The following SF3B1 variants were observed in gnomAD, a reference collection of about 807,000 sequenced individuals.
SF3B1 encodes the protein pre-mRNA processing 10.
Under a neutral mutation model 153.8 loss-of-function variants are expected in SF3B1, and 12 were observed. The observed-to-expected ratio is 0.08, with a 90% CI of 0.05 to 0.13. SF3B1 has a LOEUF of 0.13. Among genes scored for constraint, SF3B1 ranks in the 10% least tolerant of loss-of-function variants. SF3B1 has a pLI of 1.00. For missense variants in SF3B1, 513 were observed against 1,606.1 expected, an observed-to-expected ratio of 0.32 and a Z score of 11.63; for synonymous variants, 498 against 525.2, an observed-to-expected ratio of 0.95 and a Z score of 0.71.
At chr2:197,412,972 A>G (rs1487873038) in intron 6 of SF3B1, among the ~76,000 whole-genome samples, 1 of 124,328 alleles carries the variant, frequency 8.0e-6, no homozygotes, top group Non-Finnish European at 1.6e-5. Flanking sequence ...TGTTGTCTCA[A>G]AAAAAAAAAA....
intron 7 of SF3B1, among the ~76,000 whole-genome samples, chr2:197,408,877 C>T (rs1013761982): frequency 2.6e-5 from 4 of 152,046 alleles, no homozygotes; most frequent in Middle Eastern, 3.4e-3. Context: ...CAGCCGAGAG[C>T]GCACCACTGC....
intron 23 of SF3B1, among the ~76,000 whole-genome samples, chr2:197,394,778 G>C (rs2084856137): frequency 6.6e-6 from 1 of 152,076 alleles, no homozygotes; most frequent in Admixed American, 6.6e-5. Flanking sequence ...GGTGGCACAC[G>C]CCTGTAGTCC....
At chr2:197,394,165 C>T (rs1044547146) in intron 23 of SF3B1, among the ~76,000 whole-genome samples, 3 of 151,734 alleles carry the variant, frequency 2.0e-5, no homozygotes, top group African/African-American at 7.3e-5. Context: ...GCCTAGGCAA[C>T]AAGAGTGAAA....
intron 1 of SF3B1, among the ~76,000 whole-genome samples, chr2:197,431,459 C>T (rs2085435693): frequency 6.6e-6 from 1 of 152,186 alleles, no homozygotes; most frequent in East Asian, 1.9e-4. Context: ...CTAAACCCAA[C>T]TTGTAGCACT....
In SF3B1 at chr2:197,408,572, C is replaced by T. The variant is rs2085023748; in HGVS notation, c.914G>A (p.Gly305Glu). The change falls in exon 8 of 25, where the codon GGG (glycine) becomes GAG (glutamate). Residue 305 changes from glycine (G) to glutamate (E), a missense_variant. Around this residue, in one of 21 missense-constraint regions of SF3B1, gnomAD observed 91 missense variants for 157.4 expected, o/e 0.58. Coordinates refer to ENST00000335508, the MANE Select transcript of SF3B1 (RefSeq NM_012433.4). Reference protein sequence around the residue: ...ETPKTERDTPGHGSGWAETPR... With the variant: ...ETPKTERDTPEHGSGWAETPR... ...AGTCTCAGCCCATCCACTTCCATGC[C>T]CAGGAGTATCTTTAAAAAGAAAGAG... 6.2e-7 allele frequency: 1 copy of T among 1,609,576 alleles called. No individual in the cohort carries two copies. The highest frequency in any genetic ancestry group is 1.7e-5 in the Admixed American group (1 of 59,958).
chr2:197,412,337 A>AT (rs559964420), intron 6 of SF3B1, among the ~76,000 whole-genome samples: 212 of 119,126 alleles, frequency 1.8e-3, no homozygotes, highest in African/African-American at 5.4e-3. Flanking sequence ...TGAGTCTCTG[A>AT]TTTAATTTAT....
Position 197,401,376 on chromosome 2 carries a change from T to G in SF3B1, c.2496+24A>C. The G allele has an allele frequency of 6.3e-7, 1 of 1,578,928 alleles. No homozygotes were observed. The highest frequency in any genetic ancestry group is 8.6e-7 in the Non-Finnish European group (1 of 1,169,386). The stretch of plus-strand genomic sequence containing the variant: ...AATGAGTTGAAAGGACTTTTGAGAA[T>G]ATTCTTTTACAATAAAAGCTTACCT... On this transcript the variant is annotated intron_variant, in intron 17 of 24. Coordinates refer to ENST00000335508, the MANE Select transcript of SF3B1 (RefSeq NM_012433.4). The surrounding 1 kb of genome is among the most constrained non-coding windows in gnomAD (Gnocchi z 4.2).
chr2:197,416,996 T>C (rs2085157120), intron 5 of SF3B1, 85 bp from the exon 6 acceptor site: 1 of 1,323,506 alleles, frequency 7.6e-7, no homozygotes, highest in African/African-American at 1.5e-5. Flanking sequence ...CTTAACATCC[T>C]ATTTTATACT....
intron 1 of SF3B1, among the ~76,000 whole-genome samples, chr2:197,428,843 C>T (rs1474075358): frequency 6.6e-6 from 1 of 151,990 alleles, no homozygotes; most frequent in South Asian, 2.1e-4. Flanking sequence ...TGCAGTGAGC[C>T]GAGATCACAG....
intron 9 of SF3B1, among the ~76,000 whole-genome samples, chr2:197,406,449 T>C (rs1241336149): frequency 6.6e-6 from 1 of 152,184 alleles, no homozygotes; most frequent in Admixed American, 6.5e-5. Flanking sequence ...ACTAAGCATT[T>C]TGGATAAAGT....
At position 197,421,015 on chromosome 2, in the gene SF3B1, A is replaced by C. The variant is rs1490080832; in HGVS notation, c.300+14T>G. 4 of 1,518,162 alleles carry C rather than the reference A, an allele frequency of 2.6e-6. No homozygotes were observed. The South Asian group carries it at 4.7e-5, about 18-fold the overall frequency. 94.0% of individuals were successfully genotyped at this position (1,518,162 alleles called of 1,614,324 possible). ...TTTAGCTGAATAAACTATGCTTTTA[A>C]AATGAAAGATCACCTGTTCTGTTGA... is the stretch of plus-strand genomic sequence containing the variant. On this transcript the variant is annotated intron_variant, in intron 3 of 24. Coordinates refer to ENST00000335508, the MANE Select transcript of SF3B1 (RefSeq NM_012433.4).
chr2:197,392,404 T>C lies in SF3B1; in HGVS notation c.3814A>G (p.Ile1272Val). ...RDVYWKIYNSIYIGSQDALIA... is the reference protein window; with the variant it reads ...RDVYWKIYNSVYIGSQDALIA... Reference sequence around the variant, plus strand: ...AGAGCGTCCTGGGAACCAATGTAGATGGAGTTGTAAATTTTCCAATATACA... The same window carrying C: ...AGAGCGTCCTGGGAACCAATGTAGACGGAGTTGTAAATTTTCCAATATACA... Residue 1272 changes from isoleucine to valine, a missense_variant, in exon 25 of 25, where the codon ATC becomes GTC. Around this residue, in one of 21 missense-constraint regions of SF3B1, gnomAD observed 33 missense variants for 43.5 expected, o/e 0.76. Coordinates refer to ENST00000335508, the MANE Select transcript of SF3B1 (RefSeq NM_012433.4). 2 of 1,613,198 alleles carry C rather than the reference T, an allele frequency of 1.2e-6. No individual in the cohort carries two copies. The highest frequency in any genetic ancestry group is 1.7e-6 in the Non-Finnish European group (2 of 1,179,276).
chr2:197,416,463 G>T, intron 6 of SF3B1: 1 of 295,660 alleles, frequency 3.4e-6, no homozygotes, highest in East Asian at 5.8e-5. Flanking sequence ...CCCTAATCTA[G>T]TAAGACTGAT....
In SF3B1 at chr2:197,396,194, T is replaced by C. The variant is rs779553987; in HGVS notation, c.3401A>G (p.Asn1134Ser). The C allele has an allele frequency of 1.2e-6, 2 of 1,613,936 alleles. No individual in the cohort carries two copies. The highest frequency in any genetic ancestry group is 1.7e-6 in the Non-Finnish European group (2 of 1,179,970). ...SPFTVLPALM[N>S]EYRVPELNVQ... ...ATTCAGTTCAGGAACTCTGTATTCA[T>C]TCATTAAGGCAGGGAGTACTGTAAA... The change falls in exon 23 of 25, where the codon AAT becomes AGT. Residue 1134 changes from asparagine to serine, a missense_variant. Asn to Ser is a conservative substitution (Grantham distance 46). Around this residue, in one of 21 missense-constraint regions of SF3B1, gnomAD observed 17 missense variants for 246.2 expected, o/e 0.07. Transcript: ENST00000335508.
chr2:197,394,027 T>C (rs1012068389), intron 23 of SF3B1, among the ~76,000 whole-genome samples: 1 of 151,774 alleles, frequency 6.6e-6, no homozygotes, highest in East Asian at 1.9e-4. Context: ...CTACTAAACA[T>C]ACAAAAATTA....
chr2:197,394,992 A>G (rs1350773901), intron 23 of SF3B1, among the ~76,000 whole-genome samples: 1 of 152,236 alleles, frequency 6.6e-6, no homozygotes, highest in Non-Finnish European at 1.5e-5. Flanking sequence ...TGTATTTACT[A>G]ATATTCTTGT....
At chr2:197,411,451 A>C (rs954121587) in intron 6 of SF3B1, among the ~76,000 whole-genome samples, 1 of 151,692 alleles carries the variant, frequency 6.6e-6, no homozygotes, top group Non-Finnish European at 1.5e-5. Flanking sequence ...AGGCGGGCGG[A>C]TCACAAGGTC....
At chr2:197,408,247 A>C (rs910753669) in intron 8 of SF3B1, 122 bp downstream of exon 8, 2 of 1,270,254 alleles carry the variant, frequency 1.6e-6, no homozygotes, top group Non-Finnish European at 2.2e-6. Flanking sequence ...ACCAAGACTT[A>C]AATTTGTATA....
chr2:197,393,753 CTA>C (rs1429814825), intron 23 of SF3B1, among the ~76,000 whole-genome samples: 2 of 152,006 alleles, frequency 1.3e-5, no homozygotes, highest in African/African-American at 4.8e-5. Context: ...GCCTGGCCAT[CTA>C]ATTAACTTTT....
Sources: gnomAD v4.1 joint callset for allele counts (sites outside exome capture counted in the v4.1 genomes callset) on GRCh38, gnomAD v4.1.1 for gene constraint, gnomAD v4.1.1 regional missense constraint, Gnocchi (gnomAD v3.1) non-coding constraint, MANE v1.5 for transcripts, NCBI Gene and HGNC (gene_info 2026-07-23, HGNC 2026-07-21) for gene names.